The following DST variants were observed in gnomAD, a reference collection of about 807,000 sequenced individuals.
DST encodes the protein bullous pemphigoid antigen.
In DST, 253 loss-of-function variants were observed where a neutral mutation model predicts 875.2. That is an observed-to-expected ratio of 0.29 (90% CI 0.26 to 0.32). The LOEUF (loss-of-function observed/expected upper bound fraction) is 0.32, where lower values mean the gene tolerates loss of function less well. DST is among the 10% of genes least tolerant of loss of function. DST has a pLI of 1.00. For synonymous variants in DST, 3,124 were observed against 3,197.1 expected, an observed-to-expected ratio of 0.98 and a Z score of 0.77; for missense variants, 8,287 against 9,111.6, an observed-to-expected ratio of 0.91 and a Z score of 3.68.
chr6:56,918,133 CTT>C (rs55782325), intron 2 of DST, among the ~76,000 whole-genome samples: 1 of 140,316 alleles, frequency 7.1e-6, no homozygotes, highest in Non-Finnish European at 1.6e-5. Context: ...TTTTTTTTTT[CTT>C]TTTTTTTTTG....
At chr6:56,843,200 C>G (rs953887489) in intron 4 of DST, 2 of 1,473,594 alleles carry the variant, frequency 1.4e-6, no homozygotes, top group Non-Finnish European at 1.8e-6. Flanking sequence ...CTCGTAACCC[C>G]CGGACAGTAT....
At chr6:56,495,860 CCTA>C (rs1404236704) in intron 82 of DST, among the ~76,000 whole-genome samples, 1 of 152,044 alleles carries the variant, frequency 6.6e-6, no homozygotes, top group African/African-American at 2.4e-5. Flanking sequence ...TATGATGCTA[CCTA>C]CTGTCATAAT....
At chr6:56,673,958 G>A (rs1373765158) in intron 9 of DST, among the ~76,000 whole-genome samples, 1 of 152,098 alleles carries the variant, frequency 6.6e-6, no homozygotes, top group Non-Finnish European at 1.5e-5. Context: ...TTAGCCACTA[G>A]TATATCAGAC....
At chr6:56,616,729 T>G in intron 36 of DST, 1 of 1,614,218 alleles carries the variant, frequency 6.2e-7, no homozygotes, top group Non-Finnish European at 8.5e-7. Context: ...CAATCTGGGC[T>G]TCCAAGATAT....
intron 84 of DST, 117 bp from the exon 85 acceptor site, chr6:56,492,550 T>G: frequency 9.5e-7 from 1 of 1,048,334 alleles, no homozygotes; most frequent in Non-Finnish European, 1.4e-6. Context: ...GCTTTCGAAA[T>G]ACCAAATGCA....
intron 2 of DST, among the ~76,000 whole-genome samples, chr6:56,901,386 A>C (rs6937802): frequency 0.019 from 2,963 of 152,342 alleles, 111 homozygotes; most frequent in African/African-American, 0.067. Context: ...ACCTGAGGTC[A>C]GGAGTTGGAG....
At chr6:56,619,443 T>G (rs1053316518) in intron 36 of DST, 3 of 1,612,332 alleles carry the variant, frequency 1.9e-6, no homozygotes, top group Middle Eastern at 1.7e-4. Context: ...AATTGTTCTT[T>G]TAGATGATCT....
intron 56 of DST, 100 bp downstream of exon 56, chr6:56,562,038 C>A: frequency 1.6e-6 from 1 of 630,122 alleles, no homozygotes; most frequent in African/African-American, 1.9e-5. Context: ...GTAATTCAGG[C>A]TTGAAATTTC....
chr6:56,915,568 C>T (rs977958423), intron 2 of DST, among the ~76,000 whole-genome samples: 1 of 150,226 alleles, frequency 6.7e-6, no homozygotes, highest in African/African-American at 2.5e-5. Flanking sequence ...AAGACAGGGA[C>T]AGAAAAAAAG....
At chr6:56,748,058 A>C (rs1258410745) in intron 4 of DST, among the ~76,000 whole-genome samples, 3 of 152,190 alleles carry the variant, frequency 2.0e-5, no homozygotes, top group Non-Finnish European at 2.9e-5. Flanking sequence ...TTGGTTTCTG[A>C]AAGAATCCTA....
At chr6:56,585,258 G>T (rs1426329458) in intron 49 of DST, among the ~76,000 whole-genome samples, 2 of 152,122 alleles carry the variant, frequency 1.3e-5, no homozygotes, top group Non-Finnish European at 2.9e-5. Context: ...ATTGATTATT[G>T]CCACAATTTC....
At chr6:56,939,751 G>A (rs35434542) in intron 2 of DST, among the ~76,000 whole-genome samples, 20,427 of 151,940 alleles carry the variant, frequency 0.13, 1,783 homozygotes, top group Middle Eastern at 0.23. Flanking sequence ...GCAGCCGGGC[G>A]TGGTGGCTCA....
At chr6:56,851,688 C>G in intron 3 of DST, 84 bp from the exon 4 acceptor site, 1 of 1,553,782 alleles carries the variant, frequency 6.4e-7, no homozygotes, top group Admixed American at 1.9e-5. Context: ...CACCAACCAC[C>G]GCCGCCCTCC....
rs762989106 is a variant in DST, at chr6:56,494,062, T to C, written c.20342A>G (p.Asn6781Ser). 1.2e-6 allele frequency: 2 copies of C among 1,608,520 alleles called. No individual in the cohort carries two copies. Among genetic ancestry groups the C allele is most frequent in the Admixed American group, 1.7e-5 (1 of 59,612 alleles). ...CGATTCCCATTTTTCTTTCAAGTTA[T>C]TTATGTCTTGGTCAATATTTGTCTC... Reference protein sequence around the residue: ...SAETNIDQDINNLKEKWESVE... With the variant: ...SAETNIDQDISNLKEKWESVE... Residue 6781 changes from asparagine to serine, a missense_variant, in exon 83 of 104, where the codon AAT (asparagine) becomes AGT (serine). Physicochemically the swap from Asn to Ser is conservative, Grantham distance 46. Coordinates refer to ENST00000680361, the MANE Select transcript of DST (RefSeq NM_001374736.1).
At chr6:56,552,074 G>A in intron 61 of DST, 110 bp downstream of exon 61, 2 of 1,257,428 alleles carry the variant, frequency 1.6e-6, no homozygotes, top group Admixed American at 2.4e-5. Flanking sequence ...CTCAAATATT[G>A]TATGACAATC....
Position 56,604,958 on chromosome 6 carries a change from T to G in DST, c.9670A>C (p.Asn3224His). The G allele has an allele frequency of 1.2e-6, 2 of 1,612,824 alleles. No individual in the cohort carries two copies. Among genetic ancestry groups the G allele is most frequent in the Non-Finnish European group, 1.7e-6 (2 of 1,179,220 alleles). ...MKEHLQLGVN[N>H]TKEKSTSTQK... ...GTACTAGTGGACTTCTCTTTTGTAT[T>G]ATTAACTCCTAATTGTAAATGTTCT... The change falls in exon 40 of 104, where the codon AAT becomes CAT. Residue 3224 changes from asparagine (N) to histidine (H), a missense_variant. Transcript: ENST00000680361.
At chr6:56,601,417 T>C in intron 44 of DST, 26 bp downstream of exon 44, 1 of 1,469,726 alleles carries the variant, frequency 6.8e-7, no homozygotes, top group Non-Finnish European at 9.3e-7. Context: ...AAACAATGAA[T>C]GCCAACTCCA....
chr6:56,549,357 T>G (rs1484002324), intron 61 of DST, among the ~76,000 whole-genome samples: 3 of 152,236 alleles, frequency 2.0e-5, no homozygotes, highest in Admixed American at 1.3e-4. Context: ...TCTGTTTCAC[T>G]TTTAGGAATT....
chr6:56,692,389 T>C (rs1285162846), intron 9 of DST: 4 of 1,265,776 alleles, frequency 3.2e-6, no homozygotes, highest in Non-Finnish European at 4.1e-6. Context: ...TTCACTTACC[T>C]CATTTCCATC....
Sources: allele counts gnomAD v4.1 joint callset (sites outside exome capture counted in the v4.1 genomes callset), GRCh38; gene constraint gnomAD v4.1.1; transcripts MANE v1.5; gene names NCBI Gene and HGNC (gene_info 2026-07-23, HGNC 2026-07-21).